CACNA2D3: variants seen among roughly 807,000 people sequenced by gnomAD.
The protein encoded by CACNA2D3 is calcium voltage-gated channel auxiliary subunit alpha2delta 3.
Under a neutral mutation model 160.6 loss-of-function variants are expected in CACNA2D3, and 60 were observed. That is an observed-to-expected ratio of 0.37 (90% confidence interval 0.30 to 0.46). CACNA2D3 has a LOEUF of 0.46. CACNA2D3 is among the 20% of genes least tolerant of loss of function. The pLI is 1.00. For synonymous variants in CACNA2D3, 558 were observed against 492.9 expected (o/e 1.13, Z -1.75); for missense variants, 1,205 against 1,365.0 (o/e 0.88, Z 1.85).
At chr3:54,351,803 C>T (rs537627758) in intron 3 of CACNA2D3, among the ~76,000 whole-genome samples, 4 of 152,306 alleles carry the variant, frequency 2.6e-5, no homozygotes, top group African/African-American at 9.6e-5. Context: ...ATTCCTTGCT[C>T]GGCTCTCTTT....
rs59456371 is a variant in CACNA2D3 at position 54,827,548 on chromosome 3, A to C, written c.1399-9611A>C. ...GTTCAACTAAGCTGTGTTTTTTTTAAGTCCTTTTCTTTTATCACTGTGACA... is the reference window on the plus strand; with the variant it reads ...GTTCAACTAAGCTGTGTTTTTTTTACGTCCTTTTCTTTTATCACTGTGACA... On this transcript the variant is annotated intron_variant, in intron 14 of 37. Transcript: ENST00000474759. 6.5e-3 allele frequency among the ~76,000 whole-genome samples: 991 copies of C among 152,284 alleles called. 16 individuals are homozygous for C. Among genetic ancestry groups the C allele is most frequent in the African/African-American group, 0.022 (895 of 41,554 alleles).
intron 27 of CACNA2D3, chr3:54,924,871 AAAGT>A: frequency 6.2e-7 from 1 of 1,613,800 alleles, no homozygotes; most frequent in Non-Finnish European, 8.5e-7. Context: ...AGGGAATGGA[AAAGT>A]CTGCTTTCCA....
intron 13 of CACNA2D3, among the ~76,000 whole-genome samples, chr3:54,774,762 G>C (rs1347544897): frequency 6.6e-6 from 1 of 150,572 alleles, no homozygotes; most frequent in African/African-American, 2.5e-5. Flanking sequence ...AGCCTCCTGA[G>C]TAGCTGGGAT....
At position 54,968,355 on chromosome 3, in the gene CACNA2D3, C is replaced by T. The variant is rs139449454; in HGVS notation, c.2450-95C>T. 4.6e-5 allele frequency: 36 copies of T among 782,498 alleles called. 1 individual carries two copies. The African/African-American group carries it at 5.0e-4, about 11-fold the overall frequency. The allele number at this position is 782,498 out of a possible 1,614,324, so 48.5% of individuals were successfully genotyped here. On this transcript the variant is annotated intron_variant, in intron 27 of 37. Coordinates refer to ENST00000474759, the MANE Select transcript of CACNA2D3 (RefSeq NM_018398.3). Reference sequence around the variant, plus strand: ...TACATTTTATTTTATATGCTTATATCAGCTTCTTGCCATGACGGATAATTT... The same window carrying T: ...TACATTTTATTTTATATGCTTATATTAGCTTCTTGCCATGACGGATAATTT...
intron 2 of CACNA2D3, among the ~76,000 whole-genome samples, chr3:54,234,148 T>A (rs1158529281): frequency 2.0e-5 from 3 of 152,070 alleles, no homozygotes. Context: ...TCTATAAGGA[T>A]CTTAAATTTA....
intron 17 of CACNA2D3, 124 bp from the exon 18 acceptor site, chr3:54,871,415 T>G (rs2106820901): frequency 3.1e-6 from 2 of 652,418 alleles, no homozygotes; most frequent in East Asian, 5.5e-5. Context: ...GCTGGGCTTC[T>G]CACCCTCATC....
intron 27 of CACNA2D3, among the ~76,000 whole-genome samples, chr3:54,941,938 A>G (rs1701478205): frequency 6.6e-6 from 1 of 152,226 alleles, no homozygotes; most frequent in Non-Finnish European, 1.5e-5. Flanking sequence ...ACCTCGTGAA[A>G]TGGCAATGAC....
At chr3:54,134,633 C>T (rs1193075738) in intron 2 of CACNA2D3, among the ~76,000 whole-genome samples, 14 of 152,220 alleles carry the variant, frequency 9.2e-5, no homozygotes, top group Admixed American at 7.9e-4. Context: ...TGGGGGCTGC[C>T]TTCCAGCTAC....
chr3:54,437,029 A>G (rs1276974289), intron 4 of CACNA2D3, among the ~76,000 whole-genome samples: 3 of 152,316 alleles, frequency 2.0e-5, no homozygotes, highest in South Asian at 2.1e-4. Flanking sequence ...GCTCCAATAA[A>G]TTATGCGTAC....
At chr3:54,648,281 A>T (rs1439797483) in intron 11 of CACNA2D3, among the ~76,000 whole-genome samples, 1 of 152,236 alleles carries the variant, frequency 6.6e-6, no homozygotes, top group East Asian at 1.9e-4. Context: ...AGAACATTAT[A>T]TAGAATTCAA....
chr3:54,695,510 T>G (rs957448540), intron 11 of CACNA2D3, among the ~76,000 whole-genome samples: 1 of 152,112 alleles, frequency 6.6e-6, no homozygotes, highest in Non-Finnish European at 1.5e-5. Context: ...GGATACCTGT[T>G]TGCAAATGGC....
intron 8 of CACNA2D3, among the ~76,000 whole-genome samples, chr3:54,579,432 C>T (rs60532465): frequency 0.026 from 4,018 of 152,202 alleles, 152 homozygotes; most frequent in African/African-American, 0.092. Flanking sequence ...GCATCCCAAG[C>T]AGGAAGAAAA....
At chr3:54,742,643 T>C (rs1304155895) in intron 11 of CACNA2D3, among the ~76,000 whole-genome samples, 1 of 152,196 alleles carries the variant, frequency 6.6e-6, no homozygotes, top group African/African-American at 2.4e-5. Flanking sequence ...AGATTTCCAC[T>C]GAAAGCTGCT....
rs532523359 is a variant in CACNA2D3 at position 54,154,199 on chromosome 3, T to C, written c.204+30605T>C. On this transcript the variant is annotated intron_variant, in intron 2 of 37. Coordinates refer to ENST00000474759, the MANE Select transcript of CACNA2D3 (RefSeq NM_018398.3). The stretch of plus-strand genomic sequence containing the variant: ...AAACTCAAACACCTTTTACTAAGGT[T>C]TTACTATGTATCAAGTTTTTTTAAA... Among the ~76,000 whole-genome samples the C allele has an allele frequency of 1.4e-3, 217 of 152,336 alleles. 2 individuals carry two copies. Among genetic ancestry groups the C allele is most frequent in the African/African-American group, 4.9e-3 (205 of 41,578 alleles).
chr3:54,871,584 G>A lies in CACNA2D3; in HGVS notation c.1672G>A (p.Asp558Asn), dbSNP rs1699535919. The A allele has an allele frequency of 6.2e-7, 1 of 1,613,714 alleles. No individual in the cohort carries two copies. The highest frequency in any genetic ancestry group is 8.5e-7 in the Non-Finnish European group (1 of 1,179,664). Residue 558 changes from aspartate (D) to asparagine (N), a missense_variant, in exon 18 of 38, where the codon GAC becomes AAC. Physicochemically the swap from Asp to Asn is conservative, Grantham distance 23. This residue lies in a region of CACNA2D3 where 911 missense variants were observed against 1,002.2 expected (regional missense o/e 0.91). Coordinates refer to ENST00000474759, the MANE Select transcript of CACNA2D3 (RefSeq NM_018398.3). ...KRRKPNYSSV[D>N]LSEVEWEDRD... The stretch of plus-strand genomic sequence containing the variant: ...AAGGAAACCTAACTATAGTAGCGTT[G>A]ACCTCTCTGAGGTGGAGTGGGAAGA...
At chr3:54,420,716 G>A (rs902915702) in intron 4 of CACNA2D3, among the ~76,000 whole-genome samples, 26 of 152,316 alleles carry the variant, frequency 1.7e-4, no homozygotes, top group African/African-American at 6.0e-4. Flanking sequence ...CTTCATAAAT[G>A]ACCAAACTGA....
chr3:54,529,554 T>C (rs896839487), intron 5 of CACNA2D3, among the ~76,000 whole-genome samples: 7 of 152,188 alleles, frequency 4.6e-5, no homozygotes, highest in African/African-American at 1.7e-4. Flanking sequence ...TTTCCTTACC[T>C]GTGAAGTGGG....
chr3:54,739,794 TGG>T (rs1491198759), intron 11 of CACNA2D3, among the ~76,000 whole-genome samples: 48 of 146,428 alleles, frequency 3.3e-4, no homozygotes, highest in African/African-American at 1.1e-3. Context: ...TGTGTGTGTG[TGG>T]AATTATATAT....
chr3:54,152,454 A>G (rs1700170103), intron 2 of CACNA2D3, among the ~76,000 whole-genome samples: 1 of 152,252 alleles, frequency 6.6e-6, no homozygotes, highest in South Asian at 2.1e-4. Context: ...AATGCATATG[A>G]GCCCATCTTG....
Sources: gnomAD v4.1 joint callset for allele counts (sites outside exome capture counted in the v4.1 genomes callset) on GRCh38, gnomAD v4.1.1 for gene constraint, gnomAD v4.1.1 regional missense constraint, MANE v1.5 for transcripts, NCBI Gene and HGNC (gene_info 2026-07-23, HGNC 2026-07-21) for gene names.